BMP8A: variants seen among roughly 807,000 people sequenced by gnomAD.
BMP8A encodes the protein bone morphogenetic protein 8a, also known as BMP-8A.
In BMP8A, 14 loss-of-function variants were observed where a neutral mutation model predicts 36.8. That is an observed-to-expected ratio of 0.38 (90% CI 0.25 to 0.60). BMP8A has a LOEUF of 0.60. Among genes scored for constraint, BMP8A ranks in the 20% least tolerant of loss-of-function variants. BMP8A has a pLI of 0.63. For synonymous variants in BMP8A, 120 were observed against 237.7 expected, an observed-to-expected ratio of 0.50 and a Z score of 4.55; for missense variants, 267 against 551.1, an observed-to-expected ratio of 0.48 and a Z score of 5.16.
At chr1:39,523,641 G>T in intron 6 of BMP8A, 1 of 1,449,536 alleles carries the variant, frequency 6.9e-7, no homozygotes. Flanking sequence ...TTCTCTCTTG[G>T]CTGTCTGTGT....
In BMP8A at chr1:39,492,036, G is replaced by T; in HGVS notation, c.45G>T (p.Leu15Phe). 1 of 1,097,198 alleles carries T rather than the reference G, an allele frequency of 9.1e-7. No homozygotes were observed. Among genetic ancestry groups the T allele is most frequent in the Non-Finnish European group, 1.1e-6 (1 of 903,462 alleles). The allele number at this position is 1,097,198 out of a possible 1,614,324, so 68.0% of individuals were successfully genotyped here. A position where few individuals can be genotyped will look rare whatever the true frequency, so the allele number is the denominator to read the frequency against. ...CGCTCTGGCTTCTGGGCCTGACGTT[G>T]TGCGCGCTGGGCGGGGGCGGCCCCG... ...PGPLWLLGLT[L>F]CALGGGGPGL... The change falls in exon 1 of 7, where the codon TTG (leucine) becomes TTT (phenylalanine). Residue 15 changes from leucine (L) to phenylalanine (F), a missense_variant. By Grantham distance (22) the Leu-to-Phe change is conservative. Around this residue, in one of 7 missense-constraint regions of BMP8A, gnomAD observed 56 missense variants for 74.1 expected, o/e 0.76. Coordinates refer to ENST00000331593, the MANE Select transcript of BMP8A (RefSeq NM_181809.4).
rs1374740503 is a variant in BMP8A, at chr1:39,528,969, T to A, written c.*3171T>A. ...AACTCCTGAGCTCAAGCAATCCTCC[T>A]GCCTCAGCCTCCCAAAGTGCTAGGA... On this transcript the variant is annotated 3_prime_UTR_variant, in exon 7 of 7. Transcript: ENST00000331593. 1 of 152,390 alleles carries A rather than the reference T, an allele frequency of 6.6e-6. No individual in the cohort carries two copies. The allele number at this position is 152,390 out of a possible 1,614,324, so 9.4% of individuals were successfully genotyped here. A position where few individuals can be genotyped will look rare whatever the true frequency, so the allele number is the denominator to read the frequency against.
chr1:39,505,929 T>C (rs1645296841), intron 1 of BMP8A, among the ~76,000 whole-genome samples: 1 of 136,684 alleles, frequency 7.3e-6, no homozygotes, highest in Non-Finnish European at 1.5e-5. Context: ...GAGGCTGCAG[T>C]GAGCTGTGAC....
At chr1:39,509,737 G>C (rs527835774) in intron 1 of BMP8A, among the ~76,000 whole-genome samples, 1 of 152,180 alleles carries the variant, frequency 6.6e-6, no homozygotes, top group Admixed American at 6.5e-5. Context: ...AAACCTGACT[G>C]TGGTCACTGA....
chr1:39,525,261 TAAG>T (rs139360081), intron 6 of BMP8A: 8,426 of 207,048 alleles, frequency 0.041, 578 homozygotes, highest in East Asian at 0.32. Flanking sequence ...TGAAGGGCTA[TAAG>T]AAGACAGTGG....
chr1:39,519,475 C>T (rs2124374495), intron 3 of BMP8A, among the ~76,000 whole-genome samples: 1 of 141,360 alleles, frequency 7.1e-6, no homozygotes, highest in Non-Finnish European at 1.6e-5. Context: ...GCCTCCTTCC[C>T]ATGTTAGCAT....
rs1193115369 is a variant in BMP8A at position 39,526,375 on chromosome 1, G to A, written c.*577G>A. On this transcript the variant is annotated 3_prime_UTR_variant, in exon 7 of 7. Coordinates refer to ENST00000331593, the MANE Select transcript of BMP8A (RefSeq NM_181809.4). ...TTTTTTCCAGATAGAGTCTCACTCT[G>A]TCACCCAGGCTGGAGTGCAGTGGTG... Among the ~76,000 whole-genome samples the A allele has an allele frequency of 2.9e-4, 43 of 146,266 alleles. No individual in the cohort carries two copies. Among genetic ancestry groups the A allele is most frequent in the Non-Finnish European group, 8.9e-5 (6 of 67,056 alleles).
At chr1:39,518,173 A>G (rs553505720) in intron 3 of BMP8A, among the ~76,000 whole-genome samples, 6 of 152,104 alleles carry the variant, frequency 3.9e-5, no homozygotes, top group Non-Finnish European at 8.8e-5. Context: ...CATGCACTGC[A>G]TAAGTGTAGC....
At chr1:39,523,376 G>C (rs748688906) in intron 6 of BMP8A, among the ~76,000 whole-genome samples, 1 of 152,208 alleles carries the variant, frequency 6.6e-6, no homozygotes. Flanking sequence ...TCTATGCACT[G>C]AACAAACTCC....
At position 39,515,590 on chromosome 1, in the gene BMP8A, G is replaced by C. The variant is rs1377589794; in HGVS notation, c.673+3686G>C. ...CGGGCAGACTTCGCCCTGGTGAAAG[G>C]GTGGAAGGCCGACCGGGCAGGAAAC... On this transcript the variant is annotated intron_variant, in intron 3 of 6. Coordinates refer to ENST00000331593, the MANE Select transcript of BMP8A (RefSeq NM_181809.4). 2.0e-6 allele frequency: 3 copies of C among 1,503,856 alleles called. No individual in the cohort carries two copies. The East Asian group carries it at 6.8e-5, about 34-fold the overall frequency. The allele number at this position is 1,503,856 out of a possible 1,614,324, so 93.2% of individuals were successfully genotyped here.
chr1:39,523,141 C>T, intron 6 of BMP8A, 24 bp downstream of exon 6: 1 of 1,611,882 alleles, frequency 6.2e-7, no homozygotes, highest in Non-Finnish European at 8.5e-7. Context: ...CCATCCTGCC[C>T]AGCCCCCTGG....
Position 39,514,899 on chromosome 1 carries a change from G to A in BMP8A, c.673+2995G>A, listed in dbSNP as rs1046187775. ...CGCCCGCCCTGCTCTGTGACGCGCG[G>A]CCCGAGGCGCACGCAGGGCTCACAC... On this transcript the variant is annotated intron_variant, in intron 3 of 6. Coordinates refer to ENST00000331593, the MANE Select transcript of BMP8A (RefSeq NM_181809.4). 2.1e-6 allele frequency: 3 copies of A among 1,423,274 alleles called. No individual in the cohort carries two copies. The African/African-American group carries it at 4.7e-5, about 22-fold the overall frequency. The allele number at this position is 1,423,274 out of a possible 1,614,324, so 88.2% of individuals were successfully genotyped here. A position where few individuals can be genotyped will look rare whatever the true frequency, so the allele number is the denominator to read the frequency against.
At chr1:39,507,904 G>A (rs1409796265) in intron 1 of BMP8A, among the ~76,000 whole-genome samples, 2 of 152,152 alleles carry the variant, frequency 1.3e-5, no homozygotes, top group East Asian at 1.9e-4. Context: ...GTGAAAAGGA[G>A]GCACCCAGAA....
chr1:39,523,873 C>G (rs1645455534), intron 6 of BMP8A: 1 of 361,524 alleles, frequency 2.8e-6, no homozygotes, highest in African/African-American at 2.2e-5. Flanking sequence ...ACGGTGATGC[C>G]TTGATCAGGC....
At chr1:39,497,188 G>A (rs1021294732) in intron 1 of BMP8A, among the ~76,000 whole-genome samples, 2 of 152,002 alleles carry the variant, frequency 1.3e-5, no homozygotes, top group East Asian at 1.9e-4. Flanking sequence ...ATGGACATTC[G>A]GGTTGTTCTG....
intron 3 of BMP8A, among the ~76,000 whole-genome samples, chr1:39,514,800 C>T (rs1239331450): frequency 2.6e-5 from 4 of 152,200 alleles, no homozygotes; most frequent in Non-Finnish European, 5.9e-5. Context: ...CTCCCTGTTG[C>T]GGGTCGCGGG....
rs3832006 is a variant in BMP8A, at chr1:39,523,979, A to AACACACAC, written c.1059+885_1059+892dup. 4.4e-3 allele frequency: 671 copies of AACACACAC among 152,640 alleles called. 3 individuals carry two copies. Among genetic ancestry groups the AACACACAC allele is most frequent in the African/African-American group, 0.015 (580 of 39,658 alleles). The allele number at this position is 152,640 out of a possible 1,614,324, so 9.5% of individuals were successfully genotyped here. On this transcript the variant is annotated intron_variant, in intron 6 of 6. Transcript: ENST00000331593. ...ACCCTGTCTCTAAAATAAAAATTAA[A>AACACACAC]ACACACACACACACACACACACACA...
chr1:39,493,519 C>A (rs1033864626), intron 1 of BMP8A, among the ~76,000 whole-genome samples: 6 of 152,230 alleles, frequency 3.9e-5, no homozygotes, highest in Admixed American at 6.5e-5. Flanking sequence ...GGCTGAGGAA[C>A]ACAGGGTACT....
intron 4 of BMP8A, 95 bp from the exon 5 acceptor site, chr1:39,522,308 A>G: frequency 8.1e-7 from 1 of 1,238,994 alleles, no homozygotes; most frequent in Non-Finnish European, 1.1e-6. Context: ...TTATTTGACA[A>G]ATGTGCTCAT....
Sources: allele counts gnomAD v4.1 joint callset (sites outside exome capture counted in the v4.1 genomes callset), GRCh38; gene constraint gnomAD v4.1.1; regional missense constraint gnomAD v4.1.1; transcripts MANE v1.5; gene names NCBI Gene and HGNC (gene_info 2026-07-23, HGNC 2026-07-21).